DCUN1D2: variants seen among roughly 807,000 people sequenced by gnomAD.
DCUN1D2 encodes the protein defective in cullin neddylation 1 domain containing 2, also known as DCN1-like protein 2.
A neutral mutation model predicts 30.9 loss-of-function variants in DCUN1D2; 29 were observed. The ratio of observed to expected loss-of-function variants is 0.94; its 90% confidence interval spans 0.70 to 1.28. The LOEUF is 1.28. Among genes scored for constraint, DCUN1D2 ranks in the 50% most tolerant of loss-of-function variants. The probability of loss-of-function intolerance (pLI) is 0.00; values close to 1 mark genes in which losing one functional copy is unlikely to be tolerated. For synonymous variants in DCUN1D2, 121 were observed against 115.3 expected (o/e 1.05, Z -0.32); for missense variants, 325 against 316.9 (o/e 1.03, Z -0.19).
chr13:113,464,580 G>A (rs1419984063), intron 4 of DCUN1D2, among the ~76,000 whole-genome samples: 1 of 152,242 alleles, frequency 6.6e-6, no homozygotes, highest in Non-Finnish European at 1.5e-5. Context: ...GGGACGCTGC[G>A]CGTTTCCAGG....
intron 4 of DCUN1D2, 101 bp downstream of exon 4, chr13:113,474,023 C>T: frequency 2.0e-6 from 3 of 1,478,916 alleles, no homozygotes; most frequent in East Asian, 2.4e-5. Flanking sequence ...CAAACCAAAA[C>T]CCAAAAACAT....
At chr13:113,467,022 G>A (rs1242910042) in intron 4 of DCUN1D2, among the ~76,000 whole-genome samples, 2 of 151,648 alleles carry the variant, frequency 1.3e-5, no homozygotes, top group African/African-American at 2.4e-5. Flanking sequence ...GTTGGCCAGG[G>A]TGGTCTCGAT....
rs781054785 is a variant in DCUN1D2, at chr13:113,459,339, C to A, written c.673G>T (p.Asp225Tyr). The A allele has an allele frequency of 2.5e-6, 4 of 1,600,824 alleles. No homozygotes were observed. The South Asian group carries it at 4.4e-5, about 18-fold the overall frequency. Residue 225 changes from aspartate (D) to tyrosine (Y), a missense_variant, in exon 6 of 7, where the codon GAT becomes TAT. Coordinates refer to ENST00000478244, the MANE Select transcript of DCUN1D2 (RefSeq NM_001014283.2). ...TCTTCATCGTAGTTAGACATATCATCCGCAATCATGTTTCCAAAGTCCAGC... is the reference window on the plus strand; with the variant it reads ...TCTTCATCGTAGTTAGACATATCATACGCAATCATGTTTCCAAAGTCCAGC... ...LLLDFGNMIA[D>Y]DMSNYDEEGA...
chr13:113,472,909 C>T (rs1003507248), intron 4 of DCUN1D2, among the ~76,000 whole-genome samples: 1 of 152,138 alleles, frequency 6.6e-6, no homozygotes, highest in Admixed American at 6.5e-5. Context: ...GTCTCAGCAC[C>T]TGTTCTCTCT....
At position 113,490,412 on chromosome 13, in the gene DCUN1D2, C is replaced by T. The variant is rs762591485; in HGVS notation, c.3+255G>A. ...GCCCCAAGGCCCCTACAGTTCCTCC[C>T]GGCCCCCGCCCTCCGCTCACTCCCG... On this transcript the variant is annotated intron_variant, in intron 1 of 6. Transcript: ENST00000478244. This position sits in a 1 kb window ranked among gnomAD's most constrained non-coding sequence, Gnocchi z 5.2. 2.9e-6 allele frequency: 1 copy of T among 349,302 alleles called. No homozygotes were observed. The highest frequency in any genetic ancestry group is 5.4e-5 in the South Asian group (1 of 18,634). 21.6% of individuals were successfully genotyped at this position (349,302 alleles called of 1,614,324 possible).
At chr13:113,484,840 G>A (rs535226480) in intron 1 of DCUN1D2, among the ~76,000 whole-genome samples, 2 of 152,286 alleles carry the variant, frequency 1.3e-5, no homozygotes, top group South Asian at 4.1e-4. Context: ...CCAGCACTTT[G>A]GGAGGCTGAG....
chr13:113,462,352 C>A (rs934256837), intron 4 of DCUN1D2, among the ~76,000 whole-genome samples: 2 of 151,660 alleles, frequency 1.3e-5, no homozygotes, highest in African/African-American at 4.8e-5. Flanking sequence ...CACTTTTAGG[C>A]AATAAAAGAA....
intron 4 of DCUN1D2, among the ~76,000 whole-genome samples, chr13:113,472,031 C>G (rs185082698): frequency 2.6e-5 from 4 of 152,258 alleles, no homozygotes; most frequent in Admixed American, 1.3e-4. Flanking sequence ...TATTACCCCC[C>G]CAACCCCGCC....
At chr13:113,487,406 T>C (rs1008239920) in intron 1 of DCUN1D2, among the ~76,000 whole-genome samples, 5 of 152,204 alleles carry the variant, frequency 3.3e-5, no homozygotes, top group African/African-American at 1.2e-4. Flanking sequence ...GAAGTATTGA[T>C]ACATGCCACA....
Position 113,490,180 on chromosome 13 carries a change from T to C in DCUN1D2, c.3+487A>G, listed in dbSNP as rs945208710. On this transcript the variant is annotated intron_variant, in intron 1 of 6. Transcript: ENST00000478244. The surrounding 1 kb of genome is among the most constrained non-coding windows in gnomAD (Gnocchi z 5.2). ...GCTAGAGCCCGCGCTAGGGCCCCGC[T>C]GTGCCTCTCCCTCCCCTCCCGGCAG... Among the ~76,000 whole-genome samples, 3 of 152,302 alleles carry C rather than the reference T, an allele frequency of 2.0e-5. No individual in the cohort carries two copies. The highest frequency in any genetic ancestry group is 4.4e-5 in the Non-Finnish European group (3 of 67,998).
rs1835952802 is a variant in DCUN1D2, at chr13:113,456,909, T to A, written c.*1120A>T. ...TATGTATTTATTTTGAGACAGAATC[T>A]CACTCTGTCGTCCAGGCTGGAGTGC... On this transcript the variant is annotated 3_prime_UTR_variant, in exon 7 of 7. Coordinates refer to ENST00000478244, the MANE Select transcript of DCUN1D2 (RefSeq NM_001014283.2). The A allele has an allele frequency of 6.6e-6, 1 of 152,266 alleles. No individual in the cohort carries two copies. Among genetic ancestry groups the A allele is most frequent in the Admixed American group, 6.5e-5 (1 of 15,280 alleles). 9.4% of individuals were successfully genotyped at this position (152,266 alleles called of 1,614,324 possible).
chr13:113,489,093 G>A (rs1039413582), intron 1 of DCUN1D2: 2 of 985,110 alleles, frequency 2.0e-6, no homozygotes, highest in Non-Finnish European at 2.4e-6. Flanking sequence ...AACTTACCCG[G>A]GGCTGGCGGG....
chr13:113,480,047 G>T (rs1467551950), intron 3 of DCUN1D2, among the ~76,000 whole-genome samples: 1 of 152,216 alleles, frequency 6.6e-6, no homozygotes, highest in Non-Finnish European at 1.5e-5. Flanking sequence ...CTGTAGTTCA[G>T]TAAGCTTAAT....
intron 2 of DCUN1D2, among the ~76,000 whole-genome samples, chr13:113,481,747 G>A (rs1202175089): frequency 6.6e-6 from 1 of 152,122 alleles, no homozygotes; most frequent in Non-Finnish European, 1.5e-5. Context: ...AACTGGGCGG[G>A]GTGGCTCACG....
chr13:113,487,142 CA>C (rs1417965169), intron 1 of DCUN1D2, among the ~76,000 whole-genome samples: 6 of 152,162 alleles, frequency 3.9e-5, no homozygotes, highest in Middle Eastern at 3.2e-3. Context: ...CGTAAGCTGA[CA>C]AAAGATACAG....
intron 2 of DCUN1D2, 134 bp downstream of exon 2, chr13:113,483,706 C>CCGAG (rs2044749086): frequency 1.3e-6 from 1 of 792,954 alleles, no homozygotes; most frequent in African/African-American, 1.7e-5. Flanking sequence ...CAGCTGAGCG[C>CCGAG]CGAGCGCTGA....
intron 3 of DCUN1D2, among the ~76,000 whole-genome samples, chr13:113,475,069 AAC>A (rs1423590149): frequency 6.6e-6 from 1 of 152,362 alleles, no homozygotes; most frequent in Non-Finnish European, 1.5e-5. Context: ...GAATAAAAGC[AAC>A]ACTTACTCAA....
chr13:113,487,029 C>T (rs2044817107), intron 1 of DCUN1D2, among the ~76,000 whole-genome samples: 1 of 152,192 alleles, frequency 6.6e-6, no homozygotes, highest in South Asian at 2.1e-4. Flanking sequence ...TACATTATTT[C>T]CTGAAACTGA....
intron 4 of DCUN1D2, among the ~76,000 whole-genome samples, chr13:113,464,592 C>T (rs995898536): frequency 2.0e-5 from 3 of 152,224 alleles, no homozygotes; most frequent in East Asian, 1.9e-4. Flanking sequence ...GTTTCCAGGA[C>T]GGGGCAGTTG....
Sources: gnomAD v4.1 joint callset for allele counts (sites outside exome capture counted in the v4.1 genomes callset) on GRCh38, gnomAD v4.1.1 for gene constraint, Gnocchi (gnomAD v3.1) non-coding constraint, MANE v1.5 for transcripts, NCBI Gene and HGNC (gene_info 2026-07-23, HGNC 2026-07-21) for gene names.